PTPRT: variants seen among roughly 807,000 people sequenced by gnomAD.
The protein encoded by PTPRT is receptor-type tyrosine-protein phosphatase T.
In PTPRT, 56 loss-of-function variants were observed where a neutral mutation model predicts 176.8. The ratio of observed to expected loss-of-function variants is 0.32; its 90% CI spans 0.26 to 0.40. PTPRT has a LOEUF of 0.40. Among genes scored for constraint, PTPRT ranks in the 10% least tolerant of loss-of-function variants. PTPRT has a pLI of 1.00. For missense variants in PTPRT, 1,540 were observed against 1,908.2 expected (o/e 0.81, Z 3.60); for synonymous variants, 783 against 739.0 (o/e 1.06, Z -0.96).
chr20:43,080,436 T>C (rs1415931730), intron 1 of PTPRT, among the ~76,000 whole-genome samples: 4 of 152,258 alleles, frequency 2.6e-5, no homozygotes, highest in East Asian at 1.9e-4. Flanking sequence ...AGCTGACTGA[T>C]ATACAACCTA....
At chr20:42,227,734 A>G (rs1460139948) in intron 15 of PTPRT, among the ~76,000 whole-genome samples, 1 of 150,594 alleles carries the variant, frequency 6.6e-6, no homozygotes, top group East Asian at 2.0e-4. Context: ...CAGCCTCCCA[A>G]GTAGCTGGGA....
intron 2 of PTPRT, among the ~76,000 whole-genome samples, chr20:42,832,594 C>T (rs2078108154): frequency 6.7e-6 from 1 of 149,960 alleles, no homozygotes; most frequent in Admixed American, 6.6e-5. Context: ...AGGATCATTC[C>T]AAGAACCAAG....
At chr20:42,061,613 C>G in the PTPRT span, among the ~76,000 whole-genome samples, 2 of 152,216 alleles carry the variant, frequency 1.3e-5, no homozygotes, top group South Asian at 4.1e-4. Flanking sequence ...GTCTTTGTAA[C>G]AACCTCATAA....
chr20:42,301,556 T>C (rs1248669080), intron 12 of PTPRT, among the ~76,000 whole-genome samples: 2 of 152,156 alleles, frequency 1.3e-5, no homozygotes, highest in African/African-American at 4.8e-5. Flanking sequence ...ATTAATTTCC[T>C]GGTAATTGTA....
In PTPRT at chr20:42,731,436, A is replaced by C. The variant is rs142781333; in HGVS notation, c.859+25026T>G. Among the ~76,000 whole-genome samples the C allele has an allele frequency of 6.6e-3, 1,004 of 152,316 alleles. 11 individuals are homozygous for C. Among genetic ancestry groups the C allele is most frequent in the African/African-American group, 0.023 (951 of 41,556 alleles). On this transcript the variant is annotated intron_variant, in intron 6 of 30. Coordinates refer to ENST00000373187, the MANE Select transcript of PTPRT (RefSeq NM_007050.6). ...GGAGATGGTAGTATTTCTCTTTCACAAACACAGGCAGGCCCCCGAGCCTGA... is the reference window on the plus strand; with the variant it reads ...GGAGATGGTAGTATTTCTCTTTCACCAACACAGGCAGGCCCCCGAGCCTGA...
At chr20:42,651,198 G>C (rs1025641239) in intron 7 of PTPRT, among the ~76,000 whole-genome samples, 4 of 152,128 alleles carry the variant, frequency 2.6e-5, no homozygotes, top group African/African-American at 9.6e-5. Flanking sequence ...CTTTACAGAT[G>C]GAAAGTCTAA....
At chr20:43,016,627 C>A (rs879609892) in intron 1 of PTPRT, among the ~76,000 whole-genome samples, 1 of 149,606 alleles carries the variant, frequency 6.7e-6, no homozygotes, top group Non-Finnish European at 1.5e-5. Context: ...GCAACCTCCC[C>A]CTCTTGGCTT....
intron 7 of PTPRT, among the ~76,000 whole-genome samples, chr20:42,553,671 A>G (rs6016824): frequency 0.53 from 80,624 of 151,794 alleles, 21,968 homozygotes; most frequent in African/African-American, 0.64. Context: ...ACTTTTACAC[A>G]CACCTTTTTA....
intron 7 of PTPRT, among the ~76,000 whole-genome samples, chr20:42,587,781 G>T (rs1206572466): frequency 6.6e-6 from 1 of 152,126 alleles, no homozygotes; most frequent in East Asian, 1.9e-4. Context: ...TGGTGCTTAT[G>T]ATCTACTGCC....
chr20:42,037,191 G>A, the PTPRT span, among the ~76,000 whole-genome samples: 25 of 152,130 alleles, frequency 1.6e-4, no homozygotes, highest in Non-Finnish European at 2.2e-4. Flanking sequence ...ATTCCTCCCC[G>A]TACCCTAGCC....
intron 1 of PTPRT, among the ~76,000 whole-genome samples, chr20:43,140,265 G>GT (rs1182597692): frequency 6.6e-6 from 1 of 152,034 alleles, no homozygotes; most frequent in African/African-American, 2.4e-5. Context: ...CTCTTTAATG[G>GT]TATTTCACAG....
At chr20:43,050,798 G>A (rs1193727733) in intron 1 of PTPRT, among the ~76,000 whole-genome samples, 1 of 152,156 alleles carries the variant, frequency 6.6e-6, no homozygotes, top group Non-Finnish European at 1.5e-5. Context: ...CATCCCATGG[G>A]ATACAGATGG....
chr20:42,426,151 C>A (rs559037369), intron 9 of PTPRT, among the ~76,000 whole-genome samples: 1 of 152,236 alleles, frequency 6.6e-6, no homozygotes, highest in South Asian at 2.1e-4. Context: ...TGGAAACCCA[C>A]AGCCCTAAAT....
chr20:42,124,272 T>C (rs1180234100), intron 19 of PTPRT, among the ~76,000 whole-genome samples: 2 of 152,246 alleles, frequency 1.3e-5, no homozygotes, highest in African/African-American at 2.4e-5. Flanking sequence ...AGCACGCAGA[T>C]TGACTGCAAA....
At chr20:42,388,816 G>A (rs533542099) in intron 9 of PTPRT, among the ~76,000 whole-genome samples, 63 of 152,224 alleles carry the variant, frequency 4.1e-4, no homozygotes, top group Non-Finnish European at 6.9e-4. Context: ...CTATAAAGAC[G>A]CATGCACACA....
At chr20:42,061,679 C>T in the PTPRT span, among the ~76,000 whole-genome samples, 2 of 152,200 alleles carry the variant, frequency 1.3e-5, no homozygotes, top group South Asian at 4.1e-4. Context: ...TCTGGGACAT[C>T]TCTAGGCCAC....
chr20:42,128,717 A>G, intron 19 of PTPRT, 37 bp downstream of exon 19: 1 of 1,523,276 alleles, frequency 6.6e-7, no homozygotes, highest in East Asian at 2.4e-5. Flanking sequence ...AGCCTGCAAA[A>G]GCCAGCCCCA....
chr20:42,646,292 G>A (rs1036444105), intron 7 of PTPRT, among the ~76,000 whole-genome samples: 1 of 152,176 alleles, frequency 6.6e-6, no homozygotes, highest in African/African-American at 2.4e-5. Context: ...CAACTCTTCA[G>A]TGTGCTTTAT....
chr20:42,241,701 G>C (rs2056356877), intron 14 of PTPRT, among the ~76,000 whole-genome samples: 1 of 152,032 alleles, frequency 6.6e-6, no homozygotes, highest in East Asian at 1.9e-4. Context: ...CAAGTTCTCA[G>C]CTTAAGTGGC....
Sources: gnomAD v4.1 joint callset for allele counts (sites outside exome capture counted in the v4.1 genomes callset) on GRCh38, gnomAD v4.1.1 for gene constraint, MANE v1.5 for transcripts, NCBI Gene and HGNC (gene_info 2026-07-23, HGNC 2026-07-21) for gene names.